Variants in SBF2 observed in about 807,000 individuals in gnomAD.
The protein encoded by SBF2 is SET binding factor 2, also known as myotubularin-related protein 13.
SBF2 carries 112 observed loss-of-function variants against 225.2 expected under a neutral mutation model. The ratio of observed to expected loss-of-function variants is 0.50; its 90% CI spans 0.43 to 0.58. The LOEUF (loss-of-function observed/expected upper bound fraction) is 0.58, where lower values mean the gene tolerates loss of function less well. SBF2 is among the 20% of genes least tolerant of loss of function. SBF2 has a pLI of 0.00. For synonymous variants in SBF2, 763 were observed against 773.3 expected, an observed-to-expected ratio of 0.99 and a Z score of 0.22; for missense variants, 1,996 against 2,206.2, an observed-to-expected ratio of 0.90 and a Z score of 1.91.
At chr11:10,295,587 C>CAAA (rs397938160), upstream of SBF2, among the ~76,000 whole-genome samples, 2 of 142,768 alleles carry the variant, frequency 1.4e-5, no homozygotes, top group African/African-American at 2.6e-5. Flanking sequence ...ATAATTAAAC[C>CAAA]AAAAAAAAAA....
intron 2 of SBF2, among the ~76,000 whole-genome samples, chr11:10,084,654 T>C (rs1332184962): frequency 2.6e-5 from 4 of 152,210 alleles, no homozygotes; most frequent in African/African-American, 9.7e-5. Flanking sequence ...GTAGCACTAT[T>C]CACAATGGCA....
intron 27 of SBF2, 134 bp downstream of exon 27, chr11:9,832,090 A>T (rs1223696745): frequency 6.7e-6 from 5 of 750,852 alleles, no homozygotes; most frequent in Admixed American, 6.0e-5. Flanking sequence ...TACATGTTGC[A>T]TGTAGCAAAG....
At chr11:9,797,564 A>G (rs929749772) in intron 32 of SBF2, among the ~76,000 whole-genome samples, 4 of 152,162 alleles carry the variant, frequency 2.6e-5, no homozygotes, top group Non-Finnish European at 5.9e-5. Flanking sequence ...AGCGTGCCAT[A>G]CTCCAGGTTT....
intron 2 of SBF2, among the ~76,000 whole-genome samples, chr11:10,081,694 A>C (rs886314120): frequency 1.3e-5 from 2 of 150,044 alleles, no homozygotes; most frequent in African/African-American, 4.9e-5. Flanking sequence ...TGGAAGGCAG[A>C]GGTTACAGTG....
At chr11:10,248,196 A>G (rs1055449465) in intron 1 of SBF2, among the ~76,000 whole-genome samples, 2 of 152,200 alleles carry the variant, frequency 1.3e-5, no homozygotes, top group Non-Finnish European at 2.9e-5. Flanking sequence ...ATATGAAAGG[A>G]TCTTGTATAA....
At chr11:10,152,792 ATG>A (rs1373114288) in intron 2 of SBF2, among the ~76,000 whole-genome samples, 2 of 152,238 alleles carry the variant, frequency 1.3e-5, no homozygotes, top group Admixed American at 6.5e-5. Flanking sequence ...GGAATTAAAA[ATG>A]TTCCACATGT....
intron 13 of SBF2, among the ~76,000 whole-genome samples, chr11:9,983,096 C>T (rs529994274): frequency 1.6e-4 from 25 of 152,294 alleles, no homozygotes; most frequent in South Asian, 8.3e-4. Flanking sequence ...GGCTGCAAAT[C>T]CGGGTTGCAG....
rs142086188 is a variant in SBF2, at chr11:10,232,374, TA to T, written c.56-38388del. Among the ~76,000 whole-genome samples the T allele has an allele frequency of 9.8e-3, 1,485 of 152,232 alleles. 18 individuals carry two copies. The highest frequency in any genetic ancestry group is 0.034 in the African/African-American group (1,433 of 41,546). ...ACGCGGTACCTCAGTTGGAAATGCA[TA>T]AATCACCCATCTTCTGCGTCGCTCA... On this transcript the variant is annotated intron_variant, in intron 1 of 39. Coordinates refer to ENST00000256190, the MANE Select transcript of SBF2 (RefSeq NM_030962.4).
At chr11:10,235,799 T>C (rs1167742324) in intron 1 of SBF2, among the ~76,000 whole-genome samples, 2 of 152,066 alleles carry the variant, frequency 1.3e-5, no homozygotes, top group African/African-American at 2.4e-5. Context: ...TCAAGATAGG[T>C]AGCAAATTTG....
At chr11:10,044,838 T>C (rs1949791382) in intron 2 of SBF2, among the ~76,000 whole-genome samples, 1 of 152,188 alleles carries the variant, frequency 6.6e-6, no homozygotes, top group African/African-American at 2.4e-5. Flanking sequence ...TTCAGTGTGC[T>C]CTTGTGATCG....
chr11:10,110,031 A>T (rs1590976583), intron 2 of SBF2, among the ~76,000 whole-genome samples: 2 of 152,236 alleles, frequency 1.3e-5, no homozygotes, highest in East Asian at 3.8e-4. Context: ...TAATCTTGAC[A>T]CTGAATTTGG....
intron 15 of SBF2, among the ~76,000 whole-genome samples, chr11:9,963,016 G>A (rs1866677449): frequency 6.6e-6 from 1 of 152,134 alleles, no homozygotes; most frequent in East Asian, 1.9e-4. Flanking sequence ...ATGACAATGA[G>A]TCAGTAAGAA....
At chr11:10,274,935 A>G (rs1033706470) in intron 1 of SBF2, among the ~76,000 whole-genome samples, 1 of 152,220 alleles carries the variant, frequency 6.6e-6, no homozygotes, top group Admixed American at 6.5e-5. Context: ...CAGGCACGTC[A>G]GTGGAAGCAA....
Position 9,909,672 on chromosome 11 carries a change from A to G in SBF2, c.1861-13661T>C, listed in dbSNP as rs575450605. Among the ~76,000 whole-genome samples the G allele has an allele frequency of 1.6e-4, 11 of 66,866 alleles. No homozygotes were observed. The South Asian group carries it at 4.6e-3, about 28-fold the overall frequency. The allele number at this position is 66,866 out of a possible 152,430, so 43.9% of individuals were successfully genotyped here. ...GTGACAGAGCGAGACTCTGTCTCAA[A>G]AAAAAAAAAAAAAAAGATACCCTGA... is the stretch of plus-strand genomic sequence containing the variant. On this transcript the variant is annotated intron_variant, in intron 16 of 39. Coordinates refer to ENST00000256190, the MANE Select transcript of SBF2 (RefSeq NM_030962.4).
intron 8 of SBF2, among the ~76,000 whole-genome samples, chr11:9,999,308 T>C (rs1947845777): frequency 6.6e-6 from 1 of 151,144 alleles, no homozygotes; most frequent in African/African-American, 2.4e-5. Flanking sequence ...TATGTATGTA[T>C]GTATGTATGT....
At chr11:9,927,033 T>C (rs1864110151) in intron 16 of SBF2, among the ~76,000 whole-genome samples, 1 of 152,126 alleles carries the variant, frequency 6.6e-6, no homozygotes. Flanking sequence ...GACAACACAT[T>C]TTTGCCATGA....
At chr11:9,791,756 C>T (rs969126758) in intron 33 of SBF2, among the ~76,000 whole-genome samples, 2 of 152,200 alleles carry the variant, frequency 1.3e-5, no homozygotes, top group Admixed American at 6.5e-5. Context: ...CTCCATTTGG[C>T]GCCTTGAGGC....
intron 38 of SBF2, among the ~76,000 whole-genome samples, chr11:9,783,902 G>A (rs998110275): frequency 6.6e-6 from 1 of 152,122 alleles, no homozygotes; most frequent in African/African-American, 2.4e-5. Flanking sequence ...ATAAATTAAT[G>A]CCCTCTGTTT....
chr11:9,845,749 A>C lies in SBF2; in HGVS notation c.2935-9T>G. 1.9e-6 allele frequency: 3 copies of C among 1,612,958 alleles called. No homozygotes were observed. Among genetic ancestry groups the C allele is most frequent in the Non-Finnish European group, 2.5e-6 (3 of 1,178,964 alleles). The stretch of plus-strand genomic sequence containing the variant: ...AATGCTACCTTAATCAACTAGAAGC[A>C]AAAGAGATTAAACACAAAAGAAGCA... On this transcript the variant is annotated splice_polypyrimidine_tract_variant and intron_variant, in intron 23 of 39. Transcript: ENST00000256190.
Sources: allele counts gnomAD v4.1 joint callset (sites outside exome capture counted in the v4.1 genomes callset), GRCh38; gene constraint gnomAD v4.1.1; transcripts MANE v1.5; gene names NCBI Gene and HGNC (gene_info 2026-07-23, HGNC 2026-07-21).